TCAIM: variants seen among roughly 807,000 people sequenced by gnomAD.
TCAIM encodes T cell activation inhibitor, mitochondrial.
In TCAIM, 36 loss-of-function variants were observed where a neutral mutation model predicts 58.6. The observed-to-expected ratio is 0.61, with a 90% confidence interval of 0.47 to 0.81. The LOEUF is 0.81. Ranked by LOEUF, TCAIM falls within the 30% of genes least tolerant of loss-of-function variation. The pLI is 0.00. For missense variants in TCAIM, 466 were observed against 579.6 expected (o/e 0.80, Z 2.01); for synonymous variants, 172 against 193.6 (o/e 0.89, Z 0.93).
chr3:44,348,091 G>A (rs776491463), intron 1 of TCAIM, among the ~76,000 whole-genome samples: 14 of 152,186 alleles, frequency 9.2e-5, no homozygotes, highest in Non-Finnish European at 1.6e-4. Flanking sequence ...GTTTTAAGAG[G>A]TTTAGAAGCC....
rs61357631 is a variant in TCAIM at position 44,352,923 on chromosome 3, C to CTTTTT, written c.-44-1804_-44-1800dup. Reference sequence around the variant, plus strand: ...GTATACAGCCTTTTCAGATTGACTTCTTTTTTTTTTTTTTTTGAGACAGTT... The same window carrying CTTTTT: ...GTATACAGCCTTTTCAGATTGACTTCTTTTTTTTTTTTTTTTTTTTTGAGACAGTT... On this transcript the variant is annotated intron_variant, in intron 1 of 10. Transcript: ENST00000342649. Among the ~76,000 whole-genome samples the CTTTTT allele has an allele frequency of 2.0e-4, 26 of 131,730 alleles. 1 individual carries two copies. Among genetic ancestry groups the CTTTTT allele is most frequent in the Non-Finnish European group, 3.1e-4 (20 of 63,514 alleles). 86.4% of individuals were successfully genotyped at this position (131,730 alleles called of 152,430 possible).
chr3:44,399,274 AC>A (rs1431677989), intron 8 of TCAIM, among the ~76,000 whole-genome samples: 2 of 152,364 alleles, frequency 1.3e-5, no homozygotes, highest in Admixed American at 1.3e-4. Context: ...ATATGAATCT[AC>A]AATTATCTCA....
chr3:44,379,156 C>G (rs961089021), intron 5 of TCAIM, among the ~76,000 whole-genome samples: 2 of 151,280 alleles, frequency 1.3e-5, no homozygotes, highest in Non-Finnish European at 2.9e-5. Flanking sequence ...CCGTTGCACT[C>G]CAGCCTGGGT....
chr3:44,372,841 G>A (rs1365883543), intron 5 of TCAIM, among the ~76,000 whole-genome samples: 1 of 152,012 alleles, frequency 6.6e-6, no homozygotes, highest in African/African-American at 2.4e-5. Flanking sequence ...TGATCCACCC[G>A]TCTTGGCCTC....
chr3:44,400,266 A>T lies in TCAIM; in HGVS notation c.886-89A>T, dbSNP rs1702000432. 5 of 1,003,864 alleles carry T rather than the reference A, an allele frequency of 5.0e-6. No individual in the cohort carries two copies. The South Asian group carries it at 8.3e-5, about 17-fold the overall frequency. The allele number at this position is 1,003,864 out of a possible 1,614,324, so 62.2% of individuals were successfully genotyped here. A position where few individuals can be genotyped will look rare whatever the true frequency, so the allele number is the denominator to read the frequency against. ...AATGAAAATCATTTTCTTGTTAAAA[A>T]TGTCTTAATGCCATTTATTGGAATT... On this transcript the variant is annotated intron_variant, in intron 8 of 10. Coordinates refer to ENST00000342649, the MANE Select transcript of TCAIM (RefSeq NM_173826.4).
At chr3:44,391,524 C>T (rs993616736) in intron 5 of TCAIM, among the ~76,000 whole-genome samples, 1 of 152,080 alleles carries the variant, frequency 6.6e-6, no homozygotes, top group Admixed American at 6.6e-5. Flanking sequence ...TCTTGTAAGA[C>T]TATTGAGGTA....
chr3:44,354,324 G>A (rs4129069), intron 1 of TCAIM, among the ~76,000 whole-genome samples: 128,625 of 152,180 alleles, frequency 0.85, 54,930 homozygotes, highest in East Asian at 1. Context: ...GCTTTAGAGT[G>A]AGTCTTGAAA....
chr3:44,363,655 A>C lies in TCAIM; in HGVS notation c.319+2137A>C, dbSNP rs192623008. 3.6e-4 allele frequency among the ~76,000 whole-genome samples: 55 copies of C among 152,334 alleles called. No individual in the cohort carries two copies. The East Asian group carries it at 6.0e-3, about 17-fold the overall frequency. On this transcript the variant is annotated intron_variant, in intron 4 of 10. Transcript: ENST00000342649. ...AAATGTTGTTATTAGAATAAATTTT[A>C]AAATAAGTTAAAGATTTGCTAAGAG...
chr3:44,390,008 A>G (rs1012518897), intron 5 of TCAIM, among the ~76,000 whole-genome samples: 1 of 152,150 alleles, frequency 6.6e-6, no homozygotes, highest in African/African-American at 2.4e-5. Context: ...CAGATCACAT[A>G]CTACCTGTTC....
At chr3:44,373,351 T>C (rs140147493) in intron 5 of TCAIM, among the ~76,000 whole-genome samples, 104 of 152,298 alleles carry the variant, frequency 6.8e-4, no homozygotes, top group African/African-American at 2.4e-3. Flanking sequence ...TCCTTTGTTA[T>C]ATACCTATAA....
intron 5 of TCAIM, among the ~76,000 whole-genome samples, chr3:44,369,000 G>C (rs1169154166): frequency 2.6e-5 from 4 of 152,158 alleles, no homozygotes; most frequent in African/African-American, 9.7e-5. Context: ...TCCAGCCTGG[G>C]TGACAAAGTG....
At chr3:44,400,892 T>C (rs1702012060) in intron 9 of TCAIM, 1 of 487,334 alleles carries the variant, frequency 2.1e-6, no homozygotes, top group South Asian at 2.2e-5. Context: ...TTGTGGTGTA[T>C]ACACTGTTTG....
chr3:44,377,193 G>A (rs771215206), intron 5 of TCAIM, among the ~76,000 whole-genome samples: 3 of 152,164 alleles, frequency 2.0e-5, no homozygotes, highest in Non-Finnish European at 2.9e-5. Context: ...GAAAAAGATA[G>A]TATTCCATGC....
intron 5 of TCAIM, among the ~76,000 whole-genome samples, chr3:44,375,706 G>A (rs1327705713): frequency 1.3e-5 from 2 of 152,202 alleles, no homozygotes; most frequent in East Asian, 1.9e-4. Context: ...AGAATAACAA[G>A]TGTTGGTGAG....
At chr3:44,391,077 TGATTATAG>T in intron 5 of TCAIM, 1 of 152,418 alleles carries the variant, frequency 6.6e-6, no homozygotes, top group Middle Eastern at 3.4e-3. Context: ...CCTTATGTCA[TGATTATAG>T]CACCAAGTGA....
chr3:44,361,255 A>G, intron 3 of TCAIM, 110 bp from the exon 4 acceptor site: 2 of 954,376 alleles, frequency 2.1e-6, no homozygotes, highest in Non-Finnish European at 2.9e-6. Flanking sequence ...AACATTTTTA[A>G]ATACTAAATT....
In TCAIM at chr3:44,396,720, A is replaced by G. The variant is rs757008781; in HGVS notation, c.794-23A>G. On this transcript the variant is annotated intron_variant, in intron 7 of 10. Transcript: ENST00000342649. ...GAATGAAGCACCTCGACCATGACCAAAGGTTTTGTGTTTTGTCATCAGGGT... is the reference window on the plus strand; with the variant it reads ...GAATGAAGCACCTCGACCATGACCAGAGGTTTTGTGTTTTGTCATCAGGGT... The G allele has an allele frequency of 5.0e-6, 8 of 1,610,174 alleles. No individual in the cohort carries two copies. The Admixed American group carries it at 6.7e-5, about 14-fold the overall frequency.
rs1390990658 is a variant in TCAIM, at chr3:44,396,967, G to T, written c.885+133G>T. ...TTGTTTTTTAATGTTTTTAATCGCA[G>T]TATCAGCTGTTTTCAGATCAGATGC... On this transcript the variant is annotated intron_variant, in intron 8 of 10. Transcript: ENST00000342649. 6.5e-6 allele frequency: 5 copies of T among 773,416 alleles called. No individual in the cohort carries two copies. The Admixed American group carries it at 1.5e-4, about 23-fold the overall frequency. 47.9% of individuals were successfully genotyped at this position (773,416 alleles called of 1,614,324 possible).
At chr3:44,346,708 T>C (rs562787631) in intron 1 of TCAIM, among the ~76,000 whole-genome samples, 1 of 152,198 alleles carries the variant, frequency 6.6e-6, no homozygotes, top group Non-Finnish European at 1.5e-5. Context: ...TGAGGGCCTC[T>C]AAAAGTATTA....
Sources: allele counts gnomAD v4.1 joint callset (sites outside exome capture counted in the v4.1 genomes callset), GRCh38; gene constraint gnomAD v4.1.1; transcripts MANE v1.5; gene names NCBI Gene and HGNC (gene_info 2026-07-23, HGNC 2026-07-21).